The following SLC22A3 variants were observed in gnomAD, a reference collection of about 807,000 sequenced individuals.
SLC22A3 encodes the protein solute carrier family 22 member 3, also known as EMT organic cation transporter 3.
Under a neutral mutation model 59.1 loss-of-function variants are expected in SLC22A3, and 51 were observed. That is an observed-to-expected ratio of 0.86 (90% CI 0.69 to 1.09). The LOEUF is 1.09. SLC22A3 is among the 50% of genes least tolerant of loss of function. The pLI is 0.00. For synonymous variants in SLC22A3, 325 were observed against 292.0 expected (o/e 1.11, Z -1.15); for missense variants, 711 against 726.3 (o/e 0.98, Z 0.24).
chr6:160,372,459 C>A (rs994736353), intron 1 of SLC22A3, among the ~76,000 whole-genome samples: 1 of 152,098 alleles, frequency 6.6e-6, no homozygotes, highest in African/African-American at 2.4e-5. Flanking sequence ...CTTGGTGAAT[C>A]TGACGATTAT....
At chr6:160,409,742 A>G (rs938667171) in intron 4 of SLC22A3, among the ~76,000 whole-genome samples, 1 of 152,224 alleles carries the variant, frequency 6.6e-6, no homozygotes, top group African/African-American at 2.4e-5. Context: ...AATAATTGTG[A>G]AGAAAAATGA....
intron 1 of SLC22A3, among the ~76,000 whole-genome samples, chr6:160,384,883 C>A (rs957360195): frequency 6.6e-6 from 1 of 152,220 alleles, no homozygotes; most frequent in Admixed American, 6.5e-5. Context: ...AGGCTCCGCA[C>A]AGTGGGCTTT....
At chr6:160,414,790 G>C (rs186393956) in intron 5 of SLC22A3, among the ~76,000 whole-genome samples, 37 of 152,276 alleles carry the variant, frequency 2.4e-4, no homozygotes, top group African/African-American at 8.7e-4. Context: ...CCTCTCACTG[G>C]GTTCCTCCTA....
intron 1 of SLC22A3, among the ~76,000 whole-genome samples, chr6:160,357,237 G>A (rs1054199063): frequency 6.6e-6 from 1 of 152,178 alleles, no homozygotes; most frequent in African/African-American, 2.4e-5. Context: ...CTGCTATAGG[G>A]CACCAGCAGT....
At chr6:160,380,616 G>C (rs1785761265) in intron 1 of SLC22A3, among the ~76,000 whole-genome samples, 1 of 152,168 alleles carries the variant, frequency 6.6e-6, no homozygotes, top group Non-Finnish European at 1.5e-5. Context: ...AAATGCAAGT[G>C]ATGATAATGA....
At chr6:160,443,802 C>G in intron 9 of SLC22A3, 60 bp downstream of exon 9, 7 of 917,314 alleles carry the variant, frequency 7.6e-6, no homozygotes, top group Non-Finnish European at 1.1e-5. Flanking sequence ...CTAAAAGAGA[C>G]CTATAATAAT....
At chr6:160,403,679 A>G (rs1786883372) in intron 2 of SLC22A3, among the ~76,000 whole-genome samples, 1 of 151,978 alleles carries the variant, frequency 6.6e-6, no homozygotes, top group Admixed American at 6.6e-5. Context: ...TAGTGTATAA[A>G]AAAAATTATA....
chr6:160,385,992 GT>G (rs11307065), intron 1 of SLC22A3, among the ~76,000 whole-genome samples: 70,595 of 152,058 alleles, frequency 0.46, 16,689 homozygotes, highest in East Asian at 0.56. Flanking sequence ...GTCTTATTTT[GT>G]TATTGTGCAT....
intron 9 of SLC22A3, 51 bp from the exon 10 acceptor site, chr6:160,447,668 G>C: frequency 1.3e-6 from 2 of 1,512,700 alleles, no homozygotes; most frequent in Non-Finnish European, 1.8e-6. Context: ...CCATGGGAGA[G>C]GGCCCAGCTG....
intron 1 of SLC22A3, among the ~76,000 whole-genome samples, chr6:160,372,336 C>T (rs528029660): frequency 9.8e-5 from 15 of 152,320 alleles, no homozygotes; most frequent in African/African-American, 3.6e-4. Flanking sequence ...CCACTCTCTT[C>T]TGGATTGTAG....
At chr6:160,373,108 T>C (rs1317566990) in intron 1 of SLC22A3, among the ~76,000 whole-genome samples, 6 of 152,214 alleles carry the variant, frequency 3.9e-5, no homozygotes, top group Admixed American at 2.0e-4. Context: ...ATTTTTAGCA[T>C]TTTTGCCCTG....
intron 2 of SLC22A3, among the ~76,000 whole-genome samples, chr6:160,402,286 A>G (rs1232940266): frequency 8.6e-5 from 13 of 151,922 alleles, no homozygotes; most frequent in Admixed American, 7.9e-4. Flanking sequence ...GTTATCAGGG[A>G]TAAAAACGGG....
chr6:160,447,879 A>G, intron 10 of SLC22A3, 61 bp downstream of exon 10: 1 of 1,225,792 alleles, frequency 8.2e-7, no homozygotes, highest in East Asian at 2.3e-5. Context: ...CGGGGGAAAG[A>G]ATGACATTGA....
chr6:160,376,079 T>C (rs1475827699), intron 1 of SLC22A3, among the ~76,000 whole-genome samples: 3 of 152,118 alleles, frequency 2.0e-5, no homozygotes, highest in Non-Finnish European at 4.4e-5. Context: ...AATTTTACAA[T>C]AGCAAAGACA....
At position 160,352,182 on chromosome 6, in the gene SLC22A3, C is replaced by G. The variant is rs191323152; in HGVS notation, c.429+3334C>G. On this transcript the variant is annotated intron_variant, in intron 1 of 10. Transcript: ENST00000275300. Reference sequence around the variant, plus strand: ...AAATGGTCATTTAAATCTCATACACCACCTTCGCATCTTACAACTTGAGAT... The same window carrying G: ...AAATGGTCATTTAAATCTCATACACGACCTTCGCATCTTACAACTTGAGAT... Among the ~76,000 whole-genome samples the G allele has an allele frequency of 9.8e-5, 15 of 152,304 alleles. No homozygotes were observed. In the East Asian group the frequency reaches 2.7e-3, roughly 27 times the overall value.
chr6:160,426,555 C>T (rs983696098), intron 5 of SLC22A3, among the ~76,000 whole-genome samples: 2 of 152,034 alleles, frequency 1.3e-5, no homozygotes, highest in African/African-American at 4.8e-5. Flanking sequence ...TGTGTGTATT[C>T]AGGTGATATA....
chr6:160,350,709 A>C (rs1359707722), intron 1 of SLC22A3, among the ~76,000 whole-genome samples: 2 of 152,218 alleles, frequency 1.3e-5, no homozygotes, highest in African/African-American at 2.4e-5. Flanking sequence ...GACAGACATA[A>C]AAATCTGTAA....
intron 1 of SLC22A3, among the ~76,000 whole-genome samples, chr6:160,380,469 T>C (rs1785755449): frequency 6.6e-6 from 1 of 152,140 alleles, no homozygotes; most frequent in South Asian, 2.1e-4. Context: ...ATGATGATGA[T>C]ATAAAAGATT....
intron 7 of SLC22A3, among the ~76,000 whole-genome samples, chr6:160,441,778 A>G (rs1361474146): frequency 6.6e-6 from 1 of 152,170 alleles, no homozygotes; most frequent in East Asian, 1.9e-4. Context: ...CTAAATGAAC[A>G]TATGTGTTGG....
Sources: allele counts gnomAD v4.1 joint callset (sites outside exome capture counted in the v4.1 genomes callset), GRCh38; gene constraint gnomAD v4.1.1; transcripts MANE v1.5; gene names NCBI Gene and HGNC (gene_info 2026-07-23, HGNC 2026-07-21).